SLC28A1: variants seen among roughly 807,000 people sequenced by gnomAD.
SLC28A1 encodes the protein sodium/nucleoside cotransporter 1.
Under a neutral mutation model 74.8 loss-of-function variants are expected in SLC28A1, and 64 were observed. That is an observed-to-expected ratio of 0.86 (90% CI 0.70 to 1.05). The LOEUF (loss-of-function observed/expected upper bound fraction) is 1.05. Ranked by LOEUF, SLC28A1 falls within the 50% of genes least tolerant of loss-of-function variation. The pLI, the probability that SLC28A1 is intolerant of heterozygous loss-of-function variation, is 0.00. For missense variants in SLC28A1, 828 were observed against 822.8 expected (o/e 1.01, Z -0.08); for synonymous variants, 359 against 335.0 (o/e 1.07, Z -0.78).
At chr15:84,954,853 C>A in the SLC28A1 span, among the ~76,000 whole-genome samples, 4 of 152,146 alleles carry the variant, frequency 2.6e-5, no homozygotes, top group African/African-American at 4.8e-5. Flanking sequence ...GCAGTCAGAT[C>A]TATGTCCTCT....
chr15:84,921,166 G>T, intron 11 of SLC28A1, 97 bp downstream of exon 11: 1 of 935,612 alleles, frequency 1.1e-6, no homozygotes, highest in Non-Finnish European at 1.7e-6. Context: ...GTCCAAGGAA[G>T]AGCCATTTGA....
At chr15:84,974,208 C>T in the SLC28A1 span, among the ~76,000 whole-genome samples, 1 of 152,226 alleles carries the variant, frequency 6.6e-6, no homozygotes, top group Admixed American at 6.5e-5. Flanking sequence ...TTTTGCCTCA[C>T]ATTTACCCTG....
At chr15:84,912,549 T>C (rs990456896) in intron 9 of SLC28A1, among the ~76,000 whole-genome samples, 2 of 152,076 alleles carry the variant, frequency 1.3e-5, no homozygotes, top group Non-Finnish European at 2.9e-5. Context: ...CTTGGCTCTG[T>C]CTCCCTTCTA....
the SLC28A1 span, among the ~76,000 whole-genome samples, chr15:84,964,620 AG>A: frequency 1.3e-5 from 2 of 152,346 alleles, no homozygotes; most frequent in Non-Finnish European, 2.9e-5. Flanking sequence ...TGATGGTACC[AG>A]GGACCCTGGC....
At chr15:84,972,364 C>G in the SLC28A1 span, among the ~76,000 whole-genome samples, 1 of 152,200 alleles carries the variant, frequency 6.6e-6, no homozygotes, top group Admixed American at 6.5e-5. Context: ...ACCCTGTGAC[C>G]ATGGGCAAGT....
At chr15:84,920,934 C>T in intron 10 of SLC28A1, 55 bp from the exon 11 acceptor site, 1 of 1,410,972 alleles carries the variant, frequency 7.1e-7, no homozygotes, top group Non-Finnish European at 1.0e-6. Flanking sequence ...CCAGCCCCCT[C>T]TGACTCTGGG....
At chr15:84,971,821 T>G in the SLC28A1 span, among the ~76,000 whole-genome samples, 11 of 152,130 alleles carry the variant, frequency 7.2e-5, no homozygotes, top group East Asian at 1.9e-3. Context: ...GGCTAATTTT[T>G]GTATTTTTAT....
intron 2 of SLC28A1, 144 bp from the exon 3 acceptor site, chr15:84,887,601 G>A: frequency 6.6e-7 from 1 of 1,521,184 alleles, no homozygotes; most frequent in Non-Finnish European, 8.8e-7. Context: ...GCTCTGGGAT[G>A]GCATAGGTGG....
chr15:84,953,313 C>G, the SLC28A1 span, among the ~76,000 whole-genome samples: 1 of 152,208 alleles, frequency 6.6e-6, no homozygotes, highest in Non-Finnish European at 1.5e-5. Flanking sequence ...TTCCGTAACT[C>G]GGTGAATCAT....
chr15:84,887,997 G>C (rs1448045053), intron 3 of SLC28A1, 141 bp downstream of exon 3: 1 of 682,054 alleles, frequency 1.5e-6, no homozygotes, highest in Non-Finnish European at 2.7e-6. Context: ...TGCTGGCACA[G>C]TTATGAACCT....
At chr15:84,908,326 G>C (rs1313980531) in intron 8 of SLC28A1, among the ~76,000 whole-genome samples, 1 of 151,672 alleles carries the variant, frequency 6.6e-6, no homozygotes, top group Non-Finnish European at 1.5e-5. Context: ...TGGGATTACA[G>C]GTGCCCACCA....
At chr15:84,969,470 T>G in the SLC28A1 span, among the ~76,000 whole-genome samples, 2 of 152,178 alleles carry the variant, frequency 1.3e-5, no homozygotes, top group Non-Finnish European at 1.5e-5. Flanking sequence ...TGTCCACAGA[T>G]GCTGGCATCA....
At chr15:84,953,731 T>A in the SLC28A1 span, among the ~76,000 whole-genome samples, 1 of 152,232 alleles carries the variant, frequency 6.6e-6, no homozygotes, top group South Asian at 2.1e-4. Flanking sequence ...CAAAAATAAA[T>A]AAGAAAAGTA....
At chr15:84,960,176 C>G in the SLC28A1 span, among the ~76,000 whole-genome samples, 4 of 147,398 alleles carry the variant, frequency 2.7e-5, no homozygotes, top group Non-Finnish European at 3.0e-5. Flanking sequence ...TAAACTCTCC[C>G]GTAATCTTTC....
intron 10 of SLC28A1, 152 bp downstream of exon 10, chr15:84,918,756 G>T (rs1021671161): frequency 5.5e-6 from 4 of 728,686 alleles, no homozygotes; most frequent in Non-Finnish European, 1.0e-5. Flanking sequence ...TGTTCCCAGT[G>T]CCTCCACCTT....
At chr15:84,944,725 C>T in intron 17 of SLC28A1, 31 bp from the exon 18 acceptor site, 1 of 1,450,654 alleles carries the variant, frequency 6.9e-7, no homozygotes, top group East Asian at 2.5e-5. Flanking sequence ...AGCCCGGGGG[C>T]CCTGCCCCAC....
the SLC28A1 span, among the ~76,000 whole-genome samples, chr15:84,964,338 A>C: frequency 1.3e-5 from 2 of 152,154 alleles, no homozygotes; most frequent in Non-Finnish European, 2.9e-5. Flanking sequence ...GAGGCAAGGA[A>C]GACATTGAAG....
the SLC28A1 span, among the ~76,000 whole-genome samples, chr15:84,960,109 A>T: frequency 1.3e-5 from 2 of 152,182 alleles, no homozygotes; most frequent in Middle Eastern, 6.8e-3. Context: ...GGGTAGAGAA[A>T]ATTCCAGGAA....
intron 6 of SLC28A1, 44 bp from the exon 7 acceptor site, chr15:84,904,053 G>C (rs1966852936): frequency 6.2e-7 from 1 of 1,613,856 alleles, no homozygotes; most frequent in Non-Finnish European, 8.5e-7. Context: ...GGTGGGGTGG[G>C]GGTGCAATGC....
Sources: gnomAD v4.1 joint callset for allele counts (sites outside exome capture counted in the v4.1 genomes callset) on GRCh38, gnomAD v4.1.1 for gene constraint, MANE v1.5 for transcripts, NCBI Gene and HGNC (gene_info 2026-07-23, HGNC 2026-07-21) for gene names.